Variants in BET1 observed in about 807,000 individuals in gnomAD.
The protein encoded by BET1 is Bet1 golgi vesicular membrane trafficking protein.
Under a neutral mutation model 13.9 loss-of-function variants are expected in BET1, and 9 were observed. The ratio of observed to expected loss-of-function variants is 0.65; its 90% CI spans 0.39 to 1.13. The LOEUF (loss-of-function observed/expected upper bound fraction) is 1.13. BET1 is among the 50% of genes most tolerant of loss of function. BET1 has a pLI of 0.01. For synonymous variants in BET1, 39 were observed against 47.3 expected, an observed-to-expected ratio of 0.82 and a Z score of 0.72; for missense variants, 127 against 133.6, an observed-to-expected ratio of 0.95 and a Z score of 0.24.
At chr7:93,991,743 C>G, downstream of BET1, 1 of 922,090 alleles carries the variant, frequency 1.1e-6, no homozygotes, top group Non-Finnish European at 1.3e-6. Context: ...AACTTCATAG[C>G]CTTTGGTCTT....
At chr7:94,001,135 A>G (rs897601330) in intron 1 of BET1, among the ~76,000 whole-genome samples, 4 of 152,122 alleles carry the variant, frequency 2.6e-5, no homozygotes, top group African/African-American at 9.7e-5. Flanking sequence ...CAAAACTCTC[A>G]CTGATTTCTT....
intron 4 of BET1, among the ~76,000 whole-genome samples, chr7:93,982,682 A>G (rs1481280758): frequency 6.6e-6 from 1 of 152,118 alleles, no homozygotes. Flanking sequence ...GTGTGGCTTC[A>G]TCTTAACTAG....
At chr7:93,980,668 G>A (rs1011493724) in intron 4 of BET1, among the ~76,000 whole-genome samples, 3 of 152,116 alleles carry the variant, frequency 2.0e-5, no homozygotes, top group Non-Finnish European at 4.4e-5. Context: ...TATATTCAAT[G>A]GGAAAAGTTG....
chr7:93,980,316 T>C (rs56408225), intron 4 of BET1, among the ~76,000 whole-genome samples: 6,326 of 152,180 alleles, frequency 0.042, 438 homozygotes, highest in African/African-American at 0.14. Flanking sequence ...CAAGACACTA[T>C]TTTTTAACAA....
chr7:94,004,079 T>A (rs1795973410), intron 1 of BET1, 119 bp downstream of exon 1: 1 of 1,455,214 alleles, frequency 6.9e-7, no homozygotes, highest in South Asian at 1.1e-5. Flanking sequence ...AAAGATCCCC[T>A]CTAGACATCC....
At position 94,002,512 on chromosome 7, in the gene BET1, C is replaced by T. The variant is rs1795933039; in HGVS notation, c.19+1686G>A. On this transcript the variant is annotated intron_variant, in intron 1 of 3. Coordinates refer to ENST00000222547, the MANE Select transcript of BET1 (RefSeq NM_005868.6). ...AAGGAAAAAAGGAGAAGGTAGTGGG[C>T]TCTAAATTGGAGAAATTCTAATTTT... 2.0e-5 allele frequency among the ~76,000 whole-genome samples: 3 copies of T among 150,112 alleles called. No homozygotes were observed. The South Asian group carries it at 6.4e-4, about 32-fold the overall frequency.
downstream of BET1, among the ~76,000 whole-genome samples, chr7:93,989,556 A>G (rs1795592681): frequency 6.6e-6 from 1 of 152,132 alleles, no homozygotes; most frequent in Admixed American, 6.5e-5. Context: ...TCTGTTACAA[A>G]CTTCACAGTA....
intron 4 of BET1, among the ~76,000 whole-genome samples, chr7:93,976,510 T>G (rs1419048419): frequency 6.6e-6 from 1 of 152,140 alleles, no homozygotes; most frequent in Non-Finnish European, 1.5e-5. Context: ...CTAGTCAAGC[T>G]TGAACGCCGG....
At chr7:93,992,587 C>T (rs543228445), downstream of BET1, 99 of 985,370 alleles carry the variant, frequency 1.0e-4, no homozygotes, top group Middle Eastern at 1.0e-3. Flanking sequence ...GAGTCACTCT[C>T]CAATTGCCTG....
chr7:93,967,048 A>G (rs1584120796), intron 6 of BET1, among the ~76,000 whole-genome samples: 1 of 152,034 alleles, frequency 6.6e-6, no homozygotes, highest in East Asian at 1.9e-4. Flanking sequence ...ACCATTTTTC[A>G]TTCACTGCCA....
intron 4 of BET1, among the ~76,000 whole-genome samples, chr7:93,985,504 T>A (rs994184456): frequency 6.6e-6 from 1 of 152,182 alleles, no homozygotes; most frequent in East Asian, 1.9e-4. Context: ...TATAACAGAA[T>A]AATTCAAACT....
chr7:94,004,105 A>G, intron 1 of BET1, 93 bp downstream of exon 1: 1 of 1,582,776 alleles, frequency 6.3e-7, no homozygotes, highest in Non-Finnish European at 8.7e-7. Context: ...TTTGGACCAA[A>G]TGCCAGGAAC....
rs749755613 is a variant in BET1 at position 93,999,285 on chromosome 7, A to T, written c.29T>A (p.Val10Glu). The T allele has an allele frequency of 1.9e-6, 3 of 1,609,894 alleles. No individual in the cohort carries two copies. The highest frequency in any genetic ancestry group is 3.4e-5 in the Admixed American group (2 of 59,580). The change falls in exon 2 of 4, where the codon GTA becomes GAA. Residue 10 changes from valine (V) to glutamate (E), a missense_variant. By Grantham distance (121) the Val-to-Glu change is moderately radical. Transcript: ENST00000222547. MRRAGLGEG[V>E]PPGNYGNYGY... is the part of the protein sequence containing the mutation. The stretch of plus-strand genomic sequence containing the variant: ...ATAGTTCCCATAGTTGCCAGGAGGT[A>T]CTCCTTCACCTGCAAGGATCAGAGT...
At chr7:93,990,725 T>C (rs538657220), downstream of BET1, among the ~76,000 whole-genome samples, 25 of 152,182 alleles carry the variant, frequency 1.6e-4, no homozygotes, top group Non-Finnish European at 3.1e-4. Context: ...TGTAGAATAC[T>C]TATATTTATA....
At chr7:94,004,042 G>T (rs1401772889) in intron 1 of BET1, among the ~76,000 whole-genome samples, 156 bp downstream of exon 1, 3 of 152,086 alleles carry the variant, frequency 2.0e-5, no homozygotes, top group Non-Finnish European at 2.9e-5. Flanking sequence ...TGGGACAAAT[G>T]GTGTGTTTCC....
chr7:93,971,352 T>G (rs1291162562), intron 6 of BET1, among the ~76,000 whole-genome samples: 5 of 151,774 alleles, frequency 3.3e-5, no homozygotes, highest in Non-Finnish European at 7.4e-5. Flanking sequence ...TTACTGTTGT[T>G]AATGCATTAG....
chr7:93,971,964 A>T (rs1795264815), intron 6 of BET1, among the ~76,000 whole-genome samples: 1 of 151,640 alleles, frequency 6.6e-6, no homozygotes, highest in Non-Finnish European at 1.5e-5. Flanking sequence ...TGGATATGAA[A>T]AAAGAAGCAT....
chr7:93,979,300 C>T (rs1462435411), intron 4 of BET1, among the ~76,000 whole-genome samples: 3 of 152,118 alleles, frequency 2.0e-5, no homozygotes, highest in Non-Finnish European at 4.4e-5. Flanking sequence ...CCTAGCTGTG[C>T]CACTGTTCAG....
intron 2 of BET1, among the ~76,000 whole-genome samples, chr7:93,996,655 C>T (rs1352930014): frequency 2.0e-5 from 3 of 150,588 alleles, no homozygotes; most frequent in Admixed American, 1.3e-4. Flanking sequence ...ACAAAAGCTA[C>T]AAATTCCTAC....
Sources: gnomAD v4.1 joint callset for allele counts (sites outside exome capture counted in the v4.1 genomes callset) on GRCh38, gnomAD v4.1.1 for gene constraint, MANE v1.5 for transcripts, NCBI Gene and HGNC (gene_info 2026-07-23, HGNC 2026-07-21) for gene names.